DLGAP2: variants seen among roughly 807,000 people sequenced by gnomAD.
The protein encoded by DLGAP2 is disks large-associated protein 2.
DLGAP2 carries 26 observed loss-of-function variants against 100.3 expected under a neutral mutation model. The observed-to-expected ratio is 0.26, with a 90% CI of 0.19 to 0.36. The LOEUF (loss-of-function observed/expected upper bound fraction) is 0.36, where lower values mean the gene tolerates loss of function less well. Ranked by LOEUF, DLGAP2 falls within the 10% of genes least tolerant of loss-of-function variation. DLGAP2 has a pLI of 1.00. For missense variants in DLGAP2, 1,858 were observed against 1,453.2 expected, an observed-to-expected ratio of 1.28 and a Z score of -4.53; for synonymous variants, 886 against 630.1, an observed-to-expected ratio of 1.41 and a Z score of -6.08.
intron 4 of DLGAP2, among the ~76,000 whole-genome samples, chr8:1,534,860 C>G (rs1030256110): frequency 9.9e-5 from 15 of 152,226 alleles, no homozygotes; most frequent in African/African-American, 3.6e-4. Context: ...TGAAATCAGA[C>G]TTTGCACGAC....
chr8:1,275,301 A>G (rs1799659953), intron 3 of DLGAP2, among the ~76,000 whole-genome samples: 1 of 151,908 alleles, frequency 6.6e-6, no homozygotes, highest in African/African-American at 2.4e-5. Context: ...AGCTTACTAG[A>G]TGCCCACAGA....
At chr8:1,432,092 C>T (rs1797467714) in intron 3 of DLGAP2, among the ~76,000 whole-genome samples, 1 of 151,308 alleles carries the variant, frequency 6.6e-6, no homozygotes, top group African/African-American at 2.4e-5. Context: ...AGCACTGCTA[C>T]AGGCTGCCAT....
chr8:1,134,070 C>T (rs561615306), intron 2 of DLGAP2, among the ~76,000 whole-genome samples: 1 of 151,760 alleles, frequency 6.6e-6, no homozygotes, highest in African/African-American at 2.4e-5. Flanking sequence ...TCATTTAGCT[C>T]CCACTTATAA....
chr8:780,596 G>A (rs1271509868), intron 1 of DLGAP2, among the ~76,000 whole-genome samples: 4 of 152,328 alleles, frequency 2.6e-5, no homozygotes, highest in African/African-American at 7.2e-5. Context: ...AGTGGTGAAC[G>A]TGAGTCCCCT....
rs546182405 is a variant in DLGAP2 at position 1,230,709 on chromosome 8, C to G, written c.74-28142C>G. ...ACAACCCAGAAATGAACCCATACAG[C>G]TAAAGTCATCTAATCTTTGACAAAG... is the stretch of plus-strand genomic sequence containing the variant. On this transcript the variant is annotated intron_variant, in intron 2 of 14. Transcript: ENST00000637795. Among the ~76,000 whole-genome samples the G allele has an allele frequency of 2.8e-4, 43 of 152,196 alleles. 1 individual carries two copies. In the South Asian group the frequency reaches 5.2e-3, roughly 18 times the overall value.
At chr8:1,241,392 T>C (rs1245142309) in intron 2 of DLGAP2, among the ~76,000 whole-genome samples, 1 of 151,792 alleles carries the variant, frequency 6.6e-6, no homozygotes, top group Non-Finnish European at 1.5e-5. Context: ...TCTAGTTCTC[T>C]GTCACATGGC....
At chr8:1,513,491 T>A (rs1350867488) in intron 4 of DLGAP2, among the ~76,000 whole-genome samples, 1 of 152,316 alleles carries the variant, frequency 6.6e-6, no homozygotes, top group East Asian at 1.9e-4. Context: ...ACAGCCCAGC[T>A]CAGAGGGGCC....
chr8:1,164,475 A>T (rs1046529673), intron 2 of DLGAP2, among the ~76,000 whole-genome samples: 1 of 150,448 alleles, frequency 6.6e-6, no homozygotes, highest in African/African-American at 2.4e-5. Context: ...TCACTGGCTG[A>T]CGTCCTGTTG....
chr8:1,281,173 G>C (rs1799806329), intron 3 of DLGAP2, among the ~76,000 whole-genome samples: 2 of 152,166 alleles, frequency 1.3e-5, no homozygotes, highest in African/African-American at 2.4e-5. Flanking sequence ...GTGATATTAC[G>C]AGTTTTAGTC....
At chr8:1,158,624 A>G (rs1250744790) in intron 2 of DLGAP2, among the ~76,000 whole-genome samples, 1 of 152,202 alleles carries the variant, frequency 6.6e-6, no homozygotes, top group African/African-American at 2.4e-5. Flanking sequence ...GAAGCCCTGT[A>G]TGGTGCCAGG....
intron 3 of DLGAP2, among the ~76,000 whole-genome samples, chr8:1,455,775 GCCACTGAGTGAGTGTGCGGAAGGCA>G (rs1362761697): frequency 6.6e-6 from 1 of 152,188 alleles, no homozygotes; most frequent in Non-Finnish European, 1.5e-5. Flanking sequence ...GCTGCATCAT[GCCACTGAGTGAGTGTGCGGAAGGCA>G]CCACCTCCTC....
At chr8:1,040,630 T>G (rs34435811) in intron 2 of DLGAP2, among the ~76,000 whole-genome samples, 1 of 138,304 alleles carries the variant, frequency 7.2e-6, no homozygotes. Flanking sequence ...TCGGCTCGAT[T>G]TCCGTGGTTG....
intron 3 of DLGAP2, among the ~76,000 whole-genome samples, chr8:1,311,544 C>G (rs944394845): frequency 2.6e-5 from 4 of 152,144 alleles, no homozygotes; most frequent in Non-Finnish European, 5.9e-5. Flanking sequence ...TACCAGCAAA[C>G]TTAATCCAAC....
At chr8:1,496,904 T>C (rs1224373551) in intron 3 of DLGAP2, among the ~76,000 whole-genome samples, 1 of 152,172 alleles carries the variant, frequency 6.6e-6, no homozygotes, top group Non-Finnish European at 1.5e-5. Context: ...ACGACCTTGC[T>C]ACAGCTCCCC....
chr8:881,666 A>ATATAT, intron 1 of DLGAP2, among the ~76,000 whole-genome samples: 11 of 131,052 alleles, frequency 8.4e-5, no homozygotes, highest in African/African-American at 3.0e-4. Context: ...CTTGTGGCTG[A>ATATAT]ACACACACAC....
intron 1 of DLGAP2, among the ~76,000 whole-genome samples, chr8:877,327 G>C (rs1158960965): frequency 6.6e-6 from 1 of 152,116 alleles, no homozygotes; most frequent in Non-Finnish European, 1.5e-5. Context: ...TTCAGTGATT[G>C]GCTGGGTTTG....
chr8:889,564 T>C (rs1797992334), intron 1 of DLGAP2, among the ~76,000 whole-genome samples: 1 of 152,204 alleles, frequency 6.6e-6, no homozygotes, highest in African/African-American at 2.4e-5. Flanking sequence ...AAGAGCACTC[T>C]GGACACAGAC....
chr8:1,113,239 G>A (rs568137097), intron 2 of DLGAP2, among the ~76,000 whole-genome samples: 2 of 152,278 alleles, frequency 1.3e-5, no homozygotes, highest in Non-Finnish European at 2.9e-5. Flanking sequence ...GTTCTGTAAA[G>A]AGTGTCATTG....
chr8:1,687,218 C>T (rs550987849), intron 12 of DLGAP2, among the ~76,000 whole-genome samples: 2 of 152,254 alleles, frequency 1.3e-5, no homozygotes, highest in South Asian at 4.2e-4. Flanking sequence ...AATATTAGAA[C>T]ACCAGAATAG....
Sources: allele counts gnomAD v4.1 joint callset (sites outside exome capture counted in the v4.1 genomes callset), GRCh38; gene constraint gnomAD v4.1.1; transcripts MANE v1.5; gene names NCBI Gene and HGNC (gene_info 2026-07-23, HGNC 2026-07-21).